Variants in TSPAN5 observed in about 807,000 individuals in gnomAD.
TSPAN5 encodes the protein tetraspanin-5.
Under a neutral mutation model 37.1 loss-of-function variants are expected in TSPAN5, and 10 were observed. That is an observed-to-expected ratio of 0.27 (90% confidence interval 0.17 to 0.46). TSPAN5 has a LOEUF of 0.46. Among genes scored for constraint, TSPAN5 ranks in the 20% least tolerant of loss-of-function variants. The pLI is 1.00. For synonymous variants in TSPAN5, 110 were observed against 118.9 expected, an observed-to-expected ratio of 0.93 and a Z score of 0.48; for missense variants, 195 against 326.6, an observed-to-expected ratio of 0.60 and a Z score of 3.11.
rs780117382 is a variant in TSPAN5 at position 98,486,803 on chromosome 4, T to C, written c.214A>G (p.Met72Val). 6.2e-7 allele frequency: 1 copy of C among 1,613,782 alleles called. No individual in the cohort carries two copies. Among genetic ancestry groups the C allele is most frequent in the Non-Finnish European group, 8.5e-7 (1 of 1,179,966 alleles). Residue 72 changes from methionine (M) to valine (V), a missense_variant, in exon 3 of 8, where the codon ATG becomes GTG. Coordinates refer to ENST00000305798, the MANE Select transcript of TSPAN5 (RefSeq NM_005723.4). ...VWLFLVVGGV[M>V]FILGFAGCIG... Reference sequence around the variant, plus strand: ...CACCCTGCAAATCCCAAAATGAACATCACTCCTCCCACCACAAGGAAGAGC... The same window carrying C: ...CACCCTGCAAATCCCAAAATGAACACCACTCCTCCCACCACAAGGAAGAGC...
chr4:98,563,038 T>C (rs1459571733), intron 1 of TSPAN5, among the ~76,000 whole-genome samples: 2 of 152,298 alleles, frequency 1.3e-5, no homozygotes, highest in East Asian at 3.9e-4. Context: ...CACCACTTAC[T>C]GCTGTGCAAG....
At chr4:98,508,371 G>A (rs114869423) in intron 1 of TSPAN5, among the ~76,000 whole-genome samples, 1,708 of 152,170 alleles carry the variant, frequency 0.011, 33 homozygotes, top group African/African-American at 0.039. Context: ...CAACACATGG[G>A]ACTGAGTTAC....
chr4:98,649,517 G>T (rs147663808), intron 1 of TSPAN5, among the ~76,000 whole-genome samples: 106 of 152,314 alleles, frequency 7.0e-4, no homozygotes, highest in African/African-American at 2.5e-3. Flanking sequence ...CAAAGTGTTC[G>T]TTGGCTGCCA....
At chr4:98,482,742 G>T (rs1439538413) in intron 3 of TSPAN5, 1 of 152,132 alleles carries the variant, frequency 6.6e-6, no homozygotes, top group African/African-American at 2.4e-5. Context: ...TAGTGGGGTG[G>T]GCAGTGACCG....
chr4:98,613,138 T>C, intron 1 of TSPAN5, among the ~76,000 whole-genome samples: 1 of 29,228 alleles, frequency 3.4e-5, no homozygotes. Flanking sequence ...GGCAAAACCT[T>C]TTTTTTTTTT....
rs140982788 is a variant in TSPAN5, at chr4:98,616,336, A to G, written c.81+41810T>C. Among the ~76,000 whole-genome samples the G allele has an allele frequency of 3.6e-3, 553 of 152,234 alleles. 3 individuals are homozygous for G. Among genetic ancestry groups the G allele is most frequent in the African/African-American group, 0.013 (537 of 41,558 alleles). The stretch of plus-strand genomic sequence containing the variant: ...CCTCTGAGAAACAGCCCATGTTTAC[A>G]CAGACCATGCTGAAAAGGAAACCCA... On this transcript the variant is annotated intron_variant, in intron 1 of 7. Transcript: ENST00000305798.
rs182195383 is a variant in TSPAN5 at position 98,577,659 on chromosome 4, A to G, written c.82-69931T>C. Among the ~76,000 whole-genome samples, 4 of 152,306 alleles carry G rather than the reference A, an allele frequency of 2.6e-5. No individual in the cohort carries two copies. The East Asian group carries it at 7.7e-4, about 29-fold the overall frequency. Reference sequence around the variant, plus strand: ...ACGAAGCCCTGAGGAAAACTGGAACACCCCAGAGAAAGAAAAGAGAAGCAA... The same window carrying G: ...ACGAAGCCCTGAGGAAAACTGGAACGCCCCAGAGAAAGAAAAGAGAAGCAA... On this transcript the variant is annotated intron_variant, in intron 1 of 7. Transcript: ENST00000305798.
intron 1 of TSPAN5, among the ~76,000 whole-genome samples, chr4:98,553,939 C>T (rs550974593): frequency 3.9e-5 from 6 of 152,052 alleles, no homozygotes; most frequent in Middle Eastern, 3.4e-3. Context: ...TGATGGCAGG[C>T]GCCTGTAATC....
intron 1 of TSPAN5, among the ~76,000 whole-genome samples, chr4:98,634,706 AC>A (rs1756817275): frequency 6.6e-6 from 1 of 152,228 alleles, no homozygotes; most frequent in South Asian, 2.1e-4. Context: ...TCCATGAAAC[AC>A]GAAGGAAGGA....
chr4:98,646,822 A>T (rs1317783116), intron 1 of TSPAN5, among the ~76,000 whole-genome samples: 2 of 152,136 alleles, frequency 1.3e-5, no homozygotes, highest in Non-Finnish European at 2.9e-5. Context: ...CAATCAAAAT[A>T]AATTATGAGG....
intron 2 of TSPAN5, among the ~76,000 whole-genome samples, chr4:98,506,217 A>T (rs138398181): frequency 6.6e-6 from 1 of 152,326 alleles, no homozygotes; most frequent in East Asian, 1.9e-4. Context: ...CATCTAACCA[A>T]CTTCCCAGAT....
intron 1 of TSPAN5, among the ~76,000 whole-genome samples, chr4:98,643,170 T>C (rs1756993771): frequency 6.6e-6 from 1 of 152,190 alleles, no homozygotes; most frequent in South Asian, 2.1e-4. Context: ...ATTTTTACTG[T>C]ACCTTGTGTA....
At chr4:98,511,481 T>C (rs1235730266) in intron 1 of TSPAN5, among the ~76,000 whole-genome samples, 1 of 152,164 alleles carries the variant, frequency 6.6e-6, no homozygotes, top group Non-Finnish European at 1.5e-5. Context: ...GTATCTGGCA[T>C]CCAAACGTAT....
intron 1 of TSPAN5, among the ~76,000 whole-genome samples, chr4:98,547,231 G>C (rs1754490975): frequency 6.6e-6 from 1 of 152,188 alleles, no homozygotes; most frequent in African/African-American, 2.4e-5. Flanking sequence ...CCCCGCCCAG[G>C]AAGAGGACAC....
intron 1 of TSPAN5, among the ~76,000 whole-genome samples, chr4:98,533,938 T>TAAAAAAAAAAAAAAAAAA (rs1560526751): frequency 7.8e-5 from 1 of 12,880 alleles, no homozygotes; most frequent in African/African-American, 1.2e-3. Flanking sequence ...TTTGTTGATC[T>TAAAAAAAAAAAAAAAAAA]TAAAAAAAAA....
chr4:98,521,579 T>A lies in TSPAN5; in HGVS notation c.82-13851A>T, dbSNP rs528595664. On this transcript the variant is annotated intron_variant, in intron 1 of 7. Transcript: ENST00000305798. ...ATTTGTGACACTGTGGCAGGATAAC[T>A]TGTTTGCTGGCATGCAGGGTGAAAT... Among the ~76,000 whole-genome samples the A allele has an allele frequency of 5.9e-5, 9 of 152,342 alleles. No homozygotes were observed. The South Asian group carries it at 1.7e-3, about 28-fold the overall frequency.
At chr4:98,608,214 G>T (rs1756086731) in intron 1 of TSPAN5, among the ~76,000 whole-genome samples, 1 of 152,150 alleles carries the variant, frequency 6.6e-6, no homozygotes, top group African/African-American at 2.4e-5. Context: ...CCCTATCACA[G>T]ATAAAGATAC....
intron 1 of TSPAN5, among the ~76,000 whole-genome samples, chr4:98,641,830 G>A (rs944329648): frequency 6.6e-5 from 10 of 152,180 alleles, no homozygotes; most frequent in Admixed American, 2.6e-4. Context: ...GAACACAGCT[G>A]AGGCACCTGA....
intron 1 of TSPAN5, among the ~76,000 whole-genome samples, chr4:98,619,739 T>C (rs1283094968): frequency 6.6e-6 from 1 of 152,200 alleles, no homozygotes; most frequent in Non-Finnish European, 1.5e-5. Context: ...GTGTAACTTA[T>C]AAACAATAGA....
Sources: gnomAD v4.1 joint callset for allele counts (sites outside exome capture counted in the v4.1 genomes callset) on GRCh38, gnomAD v4.1.1 for gene constraint, MANE v1.5 for transcripts, NCBI Gene and HGNC (gene_info 2026-07-23, HGNC 2026-07-21) for gene names.